LMO7: variants seen among roughly 807,000 people sequenced by gnomAD.
The protein encoded by LMO7 is LIM domain 7.
A neutral mutation model predicts 206.5 loss-of-function variants in LMO7; 120 were observed. That is an observed-to-expected ratio of 0.58 (90% CI 0.50 to 0.68). The LOEUF is 0.68. LMO7 is among the 30% of genes least tolerant of loss of function. LMO7 has a pLI of 0.00. For synonymous variants in LMO7, 706 were observed against 681.5 expected (o/e 1.04, Z -0.56); for missense variants, 1,959 against 1,957.9 (o/e 1.00, Z -0.01).
At chr13:75,836,101 CATAAAT>C (rs960560814) in intron 18 of LMO7, among the ~76,000 whole-genome samples, 130 of 152,160 alleles carry the variant, frequency 8.5e-4, no homozygotes, top group African/African-American at 3.0e-3. Context: ...TTTGTGTACT[CATAAAT>C]ATAAGCCAAA....
intron 1 of LMO7, among the ~76,000 whole-genome samples, chr13:75,701,101 A>G (rs1594369468): frequency 6.6e-6 from 1 of 151,734 alleles, no homozygotes. Context: ...GTATGCTTTC[A>G]TCTCATTTGG....
intron 2 of LMO7, chr13:75,628,709 T>C (rs1048284501): frequency 6.6e-6 from 1 of 152,226 alleles, no homozygotes; most frequent in Non-Finnish European, 1.5e-5. Context: ...TCAGTTCTTT[T>C]ATTAGAAGAA....
At chr13:75,777,251 A>G (rs769145979) in intron 4 of LMO7, among the ~76,000 whole-genome samples, 31 of 152,194 alleles carry the variant, frequency 2.0e-4, no homozygotes, top group Admixed American at 4.6e-4. Flanking sequence ...CTTTATTATT[A>G]TAGTTCGGAT....
intron 14 of LMO7, among the ~76,000 whole-genome samples, chr13:75,822,816 A>AGC (rs2057727640): frequency 1.1e-5 from 1 of 87,882 alleles, no homozygotes; most frequent in African/African-American, 3.9e-5. Flanking sequence ...AATTATATAT[A>AGC]TATAATAAAA....
At chr13:75,711,520 C>T (rs747107114) in intron 1 of LMO7, among the ~76,000 whole-genome samples, 9 of 152,302 alleles carry the variant, frequency 5.9e-5, no homozygotes, top group Non-Finnish European at 1.0e-4. Flanking sequence ...GTCTGTCACC[C>T]CTGTCTTTGA....
chr13:75,704,502 C>T (rs2042513009), intron 1 of LMO7, among the ~76,000 whole-genome samples: 1 of 152,178 alleles, frequency 6.6e-6, no homozygotes, highest in Non-Finnish European at 1.5e-5. Flanking sequence ...CCCCTCTCCC[C>T]AGCTTTGAAT....
chr13:75,703,440 A>G (rs570849639), intron 1 of LMO7, among the ~76,000 whole-genome samples: 1 of 152,304 alleles, frequency 6.6e-6, no homozygotes, highest in Admixed American at 6.5e-5. Flanking sequence ...TTGATGCTCA[A>G]TGCGCTGATA....
At chr13:75,753,477 T>C (rs998329937) in intron 3 of LMO7, among the ~76,000 whole-genome samples, 2 of 152,210 alleles carry the variant, frequency 1.3e-5, no homozygotes, top group Non-Finnish European at 2.9e-5. Flanking sequence ...ATACATTCTT[T>C]GCCTAGACTA....
chr13:75,735,827 T>C (rs1043437476), intron 3 of LMO7, among the ~76,000 whole-genome samples: 2 of 151,910 alleles, frequency 1.3e-5, no homozygotes, highest in South Asian at 2.1e-4. Flanking sequence ...AAATGACTTA[T>C]AAAATAACTT....
rs1330867020 is a variant in LMO7 at position 75,681,725 on chromosome 13, T to TATATATATATATAC, written c.70-31444_70-31443insCATATATATATATA. ...GTATGTGTATATATATATGTATATA[T>TATATATATATATAC]ATATATATATATATATATATATATG... On this transcript the variant is annotated intron_variant, in intron 1 of 30. Transcript: ENST00000377534. Among the ~76,000 whole-genome samples the TATATATATATATAC allele has an allele frequency of 8.8e-5, 9 of 102,162 alleles. 1 individual carries two copies. The South Asian group carries it at 2.8e-3, about 31-fold the overall frequency. 67.0% of individuals were successfully genotyped at this position (102,162 alleles called of 152,430 possible). A position where few individuals can be genotyped will look rare whatever the true frequency, so the allele number is the denominator to read the frequency against.
chr13:75,775,728 GA>G (rs978548128), intron 4 of LMO7, among the ~76,000 whole-genome samples: 9 of 151,856 alleles, frequency 5.9e-5, no homozygotes, highest in Non-Finnish European at 1.2e-4. Flanking sequence ...GATCATCAGA[GA>G]ATGCAAATTA....
At chr13:75,825,871 T>A (rs2058067162) in intron 15 of LMO7, among the ~76,000 whole-genome samples, 1 of 152,060 alleles carries the variant, frequency 6.6e-6, no homozygotes, top group Non-Finnish European at 1.5e-5. Flanking sequence ...AAATCAAGAG[T>A]AGCATGTGGC....
chr13:75,667,449 A>G (rs932343910), intron 1 of LMO7, among the ~76,000 whole-genome samples: 1 of 151,820 alleles, frequency 6.6e-6, no homozygotes, highest in African/African-American at 2.4e-5. Context: ...ACTTTTGTCA[A>G]TCTCTTATCT....
At chr13:75,782,755 A>G (rs929839106) in intron 4 of LMO7, among the ~76,000 whole-genome samples, 7 of 152,104 alleles carry the variant, frequency 4.6e-5, no homozygotes, top group Admixed American at 2.6e-4. Flanking sequence ...TGGCTGCATC[A>G]CTGCTCCAAT....
intron 4 of LMO7, among the ~76,000 whole-genome samples, chr13:75,771,475 T>G (rs2049657904): frequency 2.8e-5 from 2 of 71,238 alleles, no homozygotes; most frequent in East Asian, 8.9e-4. Flanking sequence ...CTAATCTAAA[T>G]TGCTCGGGAT....
intron 3 of LMO7, 109 bp downstream of exon 3, chr13:75,727,207 T>C (rs1172899386): frequency 3.2e-6 from 2 of 618,978 alleles, no homozygotes; most frequent in East Asian, 3.1e-5. Context: ...TAGGTTATGG[T>C]TTTTTTGCTG....
Position 75,730,441 on chromosome 13 carries a change from G to A in LMO7, c.210+3343G>A, listed in dbSNP as rs189899117. Among the ~76,000 whole-genome samples, 126 of 152,228 alleles carry A rather than the reference G, an allele frequency of 8.3e-4. 1 individual carries two copies. The highest frequency in any genetic ancestry group is 1.9e-3 in the South Asian group (9 of 4,818). On this transcript the variant is annotated intron_variant, in intron 3 of 30. Transcript: ENST00000377534. The stretch of plus-strand genomic sequence containing the variant: ...AGAGGGTTTTGTAGTATTCTCTGAT[G>A]GTAGTTTGTATTTCTGTGGGATCAG...
intron 3 of LMO7, among the ~76,000 whole-genome samples, chr13:75,731,236 G>A (rs1468960084): frequency 1.3e-5 from 2 of 152,148 alleles, no homozygotes; most frequent in Non-Finnish European, 2.9e-5. Flanking sequence ...GGGTGTTAAA[G>A]TCTCCCATTA....
intron 3 of LMO7, among the ~76,000 whole-genome samples, chr13:75,741,296 T>C (rs1566376210): frequency 6.6e-6 from 1 of 152,248 alleles, no homozygotes; most frequent in South Asian, 2.1e-4. Context: ...GGAGTATTTT[T>C]TTCTTCCAAA....
Sources: allele counts gnomAD v4.1 joint callset (sites outside exome capture counted in the v4.1 genomes callset), GRCh38; gene constraint gnomAD v4.1.1; transcripts MANE v1.5; gene names NCBI Gene and HGNC (gene_info 2026-07-23, HGNC 2026-07-21).